The following RFX4 variants were observed in gnomAD, a reference collection of about 807,000 sequenced individuals.
RFX4 encodes regulatory factor X4.
Under a neutral mutation model 95.0 loss-of-function variants are expected in RFX4, and 10 were observed. The ratio of observed to expected loss-of-function variants is 0.11; its 90% confidence interval spans 0.06 to 0.18. The LOEUF (loss-of-function observed/expected upper bound fraction) is 0.18, where lower values mean the gene tolerates loss of function less well. RFX4 is among the 10% of genes least tolerant of loss of function. The probability of loss-of-function intolerance (pLI) is 1.00; values close to 1 mark genes in which losing one functional copy is unlikely to be tolerated. For synonymous variants in RFX4, 321 were observed against 340.7 expected (o/e 0.94, Z 0.64); for missense variants, 640 against 922.0 (o/e 0.69, Z 3.96).
rs552246378 is a variant in RFX4, at chr12:106,601,236, G to A, written c.44-7561G>A. On this transcript the variant is annotated intron_variant, in intron 1 of 17. Coordinates refer to ENST00000392842, the MANE Select transcript of RFX4 (RefSeq NM_213594.3). ...ACTCCTGTGTGTCGCCACTGCCACC[G>A]GCAGGGAGCCAGGAGAGAGACAGAA... 40 of 1,556,918 alleles carry A rather than the reference G, an allele frequency of 2.6e-5. No individual in the cohort carries two copies. The South Asian group carries it at 2.8e-4, about 11-fold the overall frequency.
chr12:106,702,482 C>A (rs2137470196), intron 8 of RFX4, among the ~76,000 whole-genome samples: 1 of 152,292 alleles, frequency 6.6e-6, no homozygotes, highest in East Asian at 1.9e-4. Context: ...CCTTAATGTG[C>A]CTACTCCTTT....
At chr12:106,749,009 CAGG>C (rs1271815804) in intron 16 of RFX4, among the ~76,000 whole-genome samples, 1 of 151,396 alleles carries the variant, frequency 6.6e-6, no homozygotes, top group African/African-American at 2.4e-5. Flanking sequence ...TGCTTGAACC[CAGG>C]AGGTGGAGGC....
intron 4 of RFX4, among the ~76,000 whole-genome samples, chr12:106,664,487 T>C (rs965642954): frequency 1.3e-5 from 2 of 151,876 alleles, no homozygotes; most frequent in Admixed American, 1.3e-4. Context: ...ATTTTAGTGA[T>C]CTTTTCAAAG....
intron 2 of RFX4, among the ~76,000 whole-genome samples, chr12:106,637,042 G>C (rs2040528730): frequency 6.6e-6 from 1 of 152,192 alleles, no homozygotes; most frequent in Admixed American, 6.5e-5. Flanking sequence ...AGCCCCGAGA[G>C]AGAGTGTCTC....
chr12:106,746,280 C>T (rs1487067200), intron 15 of RFX4, among the ~76,000 whole-genome samples: 1 of 149,058 alleles, frequency 6.7e-6, no homozygotes, highest in Non-Finnish European at 1.5e-5. Context: ...CACTCGAACC[C>T]AGGAGGTGGA....
At chr12:106,745,877 ATTAAG>A (rs1219166359) in intron 15 of RFX4, among the ~76,000 whole-genome samples, 1 of 152,228 alleles carries the variant, frequency 6.6e-6, no homozygotes, top group Non-Finnish European at 1.5e-5. Flanking sequence ...TTTATCAGAA[ATTAAG>A]TTGTCTGATG....
At chr12:106,587,168 C>T (rs2039471350) in intron 1 of RFX4, among the ~76,000 whole-genome samples, 1 of 152,210 alleles carries the variant, frequency 6.6e-6, no homozygotes, top group Non-Finnish European at 1.5e-5. Context: ...GGATTCAGCA[C>T]GCGACTCTGT....
At chr12:106,724,173 A>G (rs2042447797) in intron 13 of RFX4, among the ~76,000 whole-genome samples, 1 of 152,246 alleles carries the variant, frequency 6.6e-6, no homozygotes, top group South Asian at 2.1e-4. Flanking sequence ...GAATGAAGCA[A>G]AGACAAGATA....
rs973535604 is a variant in RFX4, at chr12:106,700,371, C to A, written c.833+3925C>A. Reference sequence around the variant, plus strand: ...AAAAATACCTCTTAAAAAAAATTTACTAGTTGTTTTAAGTTTGTATATCTT... The same window carrying A: ...AAAAATACCTCTTAAAAAAAATTTAATAGTTGTTTTAAGTTTGTATATCTT... On this transcript the variant is annotated intron_variant, in intron 8 of 17. Transcript: ENST00000392842. Among the ~76,000 whole-genome samples, 3 of 148,618 alleles carry A rather than the reference C, an allele frequency of 2.0e-5. 1 individual carries two copies. The highest frequency in any genetic ancestry group is 4.5e-5 in the Non-Finnish European group (3 of 67,052).
chr12:106,688,259 G>A (rs1463593733), intron 6 of RFX4, among the ~76,000 whole-genome samples: 5 of 151,774 alleles, frequency 3.3e-5, no homozygotes, highest in Non-Finnish European at 7.4e-5. Context: ...TAGTAGAGAC[G>A]GGGTTTCACC....
intron 11 of RFX4, among the ~76,000 whole-genome samples, chr12:106,716,658 C>A (rs2042298281): frequency 6.6e-6 from 1 of 152,162 alleles, no homozygotes; most frequent in African/African-American, 2.4e-5. Flanking sequence ...TTACTTCTTC[C>A]TTCACAGCTG....
At chr12:106,655,614 C>A (rs1360966242) in intron 4 of RFX4, among the ~76,000 whole-genome samples, 1 of 152,122 alleles carries the variant, frequency 6.6e-6, no homozygotes, top group African/African-American at 2.4e-5. Flanking sequence ...ACCTACAAAC[C>A]CCTCGCAGAG....
chr12:106,689,094 AGGAG>A (rs1039985675), intron 6 of RFX4, among the ~76,000 whole-genome samples, 189 bp from the exon 7 acceptor site: 1 of 152,208 alleles, frequency 6.6e-6, no homozygotes, highest in Non-Finnish European at 1.5e-5. Flanking sequence ...GTGAGCACAG[AGGAG>A]GGAGCCAAGG....
chr12:106,635,909 G>T (rs2040501396), intron 2 of RFX4, among the ~76,000 whole-genome samples: 1 of 152,208 alleles, frequency 6.6e-6, no homozygotes. Context: ...GAACAACAGA[G>T]GTTGAGTATT....
intron 10 of RFX4, among the ~76,000 whole-genome samples, chr12:106,712,204 G>T (rs2042204742): frequency 6.6e-6 from 1 of 152,216 alleles, no homozygotes. Context: ...ATTGTTGTTT[G>T]GTTTGAATAT....
In RFX4 at chr12:106,709,324, T is replaced by A; in HGVS notation, c.834-6T>A. On this transcript the variant is annotated splice_polypyrimidine_tract_variant and splice_region_variant and intron_variant, in intron 8 of 17. Transcript: ENST00000392842. Reference sequence around the variant, plus strand: ...AGCACTTAAAACTCATCGTTTCTTTTTCTAGCTTAACTCAGGTGATTCGAA... The same window carrying A: ...AGCACTTAAAACTCATCGTTTCTTTATCTAGCTTAACTCAGGTGATTCGAA... 1 of 1,613,078 alleles carries A rather than the reference T, an allele frequency of 6.2e-7. No homozygotes were observed. Among genetic ancestry groups the A allele is most frequent in the Non-Finnish European group, 8.5e-7 (1 of 1,179,358 alleles).
chr12:106,680,849 A>G (rs556197428), intron 4 of RFX4: 1 of 152,360 alleles, frequency 6.6e-6, no homozygotes, highest in South Asian at 2.1e-4. Flanking sequence ...AAATTTCACA[A>G]TAACTCTAGA....
intron 4 of RFX4, among the ~76,000 whole-genome samples, chr12:106,672,824 G>A (rs1241278276): frequency 6.6e-6 from 1 of 151,506 alleles, no homozygotes; most frequent in African/African-American, 2.4e-5. Context: ...CTGCAAGGAG[G>A]AGGTGCTATC....
chr12:106,727,909 G>A (rs141684117), intron 13 of RFX4, among the ~76,000 whole-genome samples: 3,925 of 152,204 alleles, frequency 0.026, 74 homozygotes, highest in Middle Eastern at 0.044. Context: ...ATGAGCCACC[G>A]CGCCCGGCCC....
Sources: allele counts gnomAD v4.1 joint callset (sites outside exome capture counted in the v4.1 genomes callset), GRCh38; gene constraint gnomAD v4.1.1; transcripts MANE v1.5; gene names NCBI Gene and HGNC (gene_info 2026-07-23, HGNC 2026-07-21).